Variants in LINGO2 observed in about 807,000 individuals in gnomAD.
The protein encoded by LINGO2 is leucine rich repeat and Ig domain containing 2.
A neutral mutation model predicts 30.6 loss-of-function variants in LINGO2; 14 were observed. That is an observed-to-expected ratio of 0.46 (90% CI 0.30 to 0.72). The LOEUF is 0.72. LINGO2 is among the 30% of genes least tolerant of loss of function. The probability of loss-of-function intolerance (pLI) is 0.07; values close to 1 mark genes in which losing one functional copy is unlikely to be tolerated. For synonymous variants in LINGO2, 317 were observed against 288.5 expected (o/e 1.10, Z -1.00); for missense variants, 729 against 751.7 (o/e 0.97, Z 0.35).
chr9:28,110,091 C>A (rs1052804561), intron 4 of LINGO2, among the ~76,000 whole-genome samples: 1 of 152,124 alleles, frequency 6.6e-6, no homozygotes, highest in African/African-American at 2.4e-5. Flanking sequence ...AATAACACCA[C>A]ACATCTACAA....
At chr9:28,846,754 T>C in the LINGO2 span, among the ~76,000 whole-genome samples, 1 of 148,052 alleles carries the variant, frequency 6.8e-6, no homozygotes, top group Non-Finnish European at 1.5e-5. Context: ...CCTGTTTCTA[T>C]ACTATCAATG....
the LINGO2 span, among the ~76,000 whole-genome samples, chr9:29,118,988 C>G: frequency 3.1e-3 from 471 of 152,244 alleles, 2 homozygotes; most frequent in Middle Eastern, 6.8e-3. Context: ...TGGAATCAGT[C>G]CTGCTCATGA....
intron 1 of LINGO2, among the ~76,000 whole-genome samples, chr9:28,667,776 A>T (rs774454705): frequency 2.6e-5 from 4 of 151,766 alleles, no homozygotes; most frequent in Non-Finnish European, 5.9e-5. Flanking sequence ...AAACACAAAA[A>T]CTTTCAAATT....
intron 2 of LINGO2, among the ~76,000 whole-genome samples, chr9:28,376,476 C>T (rs1006183512): frequency 6.6e-6 from 1 of 152,178 alleles, no homozygotes. Flanking sequence ...TCACCCACTT[C>T]GTGACAAAGA....
At chr9:28,772,365 A>G in the LINGO2 span, among the ~76,000 whole-genome samples, 1 of 152,172 alleles carries the variant, frequency 6.6e-6, no homozygotes, top group Non-Finnish European at 1.5e-5. Context: ...CATCTTTACT[A>G]TTAGTAACAT....
chr9:29,129,189 ATG>A, the LINGO2 span, among the ~76,000 whole-genome samples: 1 of 152,068 alleles, frequency 6.6e-6, no homozygotes, highest in East Asian at 1.9e-4. Flanking sequence ...AAAAATACCT[ATG>A]TATTTACTTT....
chr9:28,573,248 G>A (rs535693704), intron 1 of LINGO2, among the ~76,000 whole-genome samples: 6 of 152,130 alleles, frequency 3.9e-5, no homozygotes, highest in South Asian at 4.2e-4. Flanking sequence ...ACACTTATCC[G>A]GTTCAGAAAA....
At chr9:28,151,955 A>G (rs1828012525) in intron 4 of LINGO2, among the ~76,000 whole-genome samples, 1 of 152,224 alleles carries the variant, frequency 6.6e-6, no homozygotes, top group Admixed American at 6.5e-5. Context: ...TTCCACATAA[A>G]ATACCAACAA....
chr9:28,071,890 C>T (rs1231870331), intron 4 of LINGO2, among the ~76,000 whole-genome samples: 2 of 152,126 alleles, frequency 1.3e-5, no homozygotes, highest in African/African-American at 4.8e-5. Flanking sequence ...AAAGACACTT[C>T]ACCAATGAAA....
At chr9:28,644,201 G>GA (rs1284218530) in intron 1 of LINGO2, among the ~76,000 whole-genome samples, 12 of 149,988 alleles carry the variant, frequency 8.0e-5, no homozygotes, top group East Asian at 3.9e-4. Context: ...ATAACCAAAA[G>GA]AAAAAAAAAG....
the LINGO2 span, among the ~76,000 whole-genome samples, chr9:29,092,689 C>G: frequency 7.3e-6 from 1 of 136,668 alleles, no homozygotes; most frequent in Non-Finnish European, 1.6e-5. Context: ...CAAAGACTGC[C>G]AACAGAGCAT....
intron 3 of LINGO2, among the ~76,000 whole-genome samples, chr9:28,354,662 C>G (rs1213862495): frequency 1.3e-5 from 2 of 152,152 alleles, no homozygotes; most frequent in Non-Finnish European, 2.9e-5. Flanking sequence ...CACAACAACC[C>G]TGTACACATT....
chr9:28,158,765 C>T (rs571551228), intron 4 of LINGO2, among the ~76,000 whole-genome samples: 3 of 152,234 alleles, frequency 2.0e-5, no homozygotes, highest in South Asian at 2.1e-4. Context: ...TCCAAGGATA[C>T]CCTAAGGATG....
chr9:28,424,923 A>G (rs1454821146), intron 2 of LINGO2, among the ~76,000 whole-genome samples: 1 of 152,076 alleles, frequency 6.6e-6, no homozygotes, highest in Admixed American at 6.6e-5. Flanking sequence ...TTGGATAAGT[A>G]TATTAATTTC....
chr9:28,395,134 A>G (rs1187902552), intron 2 of LINGO2, among the ~76,000 whole-genome samples: 1 of 152,208 alleles, frequency 6.6e-6, no homozygotes, highest in East Asian at 1.9e-4. Context: ...TAAGGGTCCC[A>G]GCCCACCATC....
chr9:28,694,992 A>C, the LINGO2 span, among the ~76,000 whole-genome samples: 1 of 149,782 alleles, frequency 6.7e-6, no homozygotes, highest in Non-Finnish European at 1.5e-5. Flanking sequence ...AATTTACTGT[A>C]GGTGAGTTGT....
chr9:28,886,071 T>C, the LINGO2 span, among the ~76,000 whole-genome samples: 1 of 152,198 alleles, frequency 6.6e-6, no homozygotes, highest in Non-Finnish European at 1.5e-5. Flanking sequence ...TAAGTATTGA[T>C]ACAAATAAAT....
the LINGO2 span, among the ~76,000 whole-genome samples, chr9:28,901,236 G>T: frequency 6.6e-6 from 1 of 151,936 alleles, no homozygotes; most frequent in Non-Finnish European, 1.5e-5. Flanking sequence ...CAGAAACGAA[G>T]GAGATATAAA....
intron 4 of LINGO2, among the ~76,000 whole-genome samples, chr9:28,220,982 T>C (rs939988699): frequency 6.6e-6 from 1 of 152,190 alleles, no homozygotes. Flanking sequence ...CTATAGTTAA[T>C]GACAATATAT....
Sources: gnomAD v4.1 joint callset for allele counts (sites outside exome capture counted in the v4.1 genomes callset) on GRCh38, gnomAD v4.1.1 for gene constraint, MANE v1.5 for transcripts, NCBI Gene and HGNC (gene_info 2026-07-23, HGNC 2026-07-21) for gene names.